The following UGGT1 variants were observed in gnomAD, a reference collection of about 807,000 sequenced individuals.
The protein encoded by UGGT1 is UDP-glucose glycoprotein glucosyltransferase 1.
Under a neutral mutation model 203.9 loss-of-function variants are expected in UGGT1, and 107 were observed. The observed-to-expected ratio is 0.52, with a 90% CI of 0.45 to 0.62. The LOEUF is 0.62. UGGT1 is among the 20% of genes least tolerant of loss of function. The pLI is 0.00. For missense variants in UGGT1, 1,673 were observed against 1,867.2 expected, an observed-to-expected ratio of 0.90 and a Z score of 1.92; for synonymous variants, 628 against 653.5, an observed-to-expected ratio of 0.96 and a Z score of 0.59.
At chr2:128,176,455 T>C (rs904797530) in intron 31 of UGGT1, among the ~76,000 whole-genome samples, 25 of 137,152 alleles carry the variant, frequency 1.8e-4, no homozygotes, top group African/African-American at 6.8e-4. Context: ...GTGGTTCCAA[T>C]AATGGTTCAG....
intron 8 of UGGT1, among the ~76,000 whole-genome samples, chr2:128,117,594 A>C (rs1430871738): frequency 7.3e-6 from 1 of 137,426 alleles, no homozygotes; most frequent in Non-Finnish European, 1.5e-5. Context: ...CCTAGGCTGG[A>C]GTGCAGTGCC....
In UGGT1 at chr2:128,151,952, T is replaced by G. The variant is rs190381041; in HGVS notation, c.2017-832T>G. Among the ~76,000 whole-genome samples, 5 of 152,356 alleles carry G rather than the reference T, an allele frequency of 3.3e-5. No individual in the cohort carries two copies. The East Asian group carries it at 7.7e-4, about 24-fold the overall frequency. ...TTTAAGTTTGATAAATCTGCACATT[T>G]GCACAGTTGTTGACACATGGCTCTG... On this transcript the variant is annotated intron_variant, in intron 18 of 40. Transcript: ENST00000259253.
intron 18 of UGGT1, among the ~76,000 whole-genome samples, chr2:128,151,708 C>T (rs1689981978): frequency 6.6e-6 from 1 of 151,976 alleles, no homozygotes; most frequent in South Asian, 2.1e-4. Flanking sequence ...CCCATCTCTA[C>T]AAAAATACAA....
At chr2:128,172,507 A>G in intron 28 of UGGT1, 66 bp from the exon 29 acceptor site, 1 of 1,529,120 alleles carries the variant, frequency 6.5e-7, no homozygotes, top group Non-Finnish European at 9.0e-7. Flanking sequence ...TACCTGTGTA[A>G]GGGCTGTGCA....
intron 15 of UGGT1, among the ~76,000 whole-genome samples, chr2:128,137,588 A>G (rs976278857): frequency 3.9e-5 from 6 of 152,202 alleles, no homozygotes; most frequent in South Asian, 2.1e-4. Context: ...GTTGTCTTTC[A>G]TGGATTGTGC....
In UGGT1 at chr2:128,159,565, A is replaced by G; in HGVS notation, c.2407A>G (p.Ile803Val). The stretch of plus-strand genomic sequence containing the variant: ...CATGATCAATAATCCTGCCAAAGAG[A>G]TAAGCTATGAGAACACTCAGATCTC... The part of the protein sequence containing the change: ...ISMINNPAKE[I>V]SYENTQISRA... The change falls in exon 23 of 41, where the codon ATA becomes GTA. Residue 803 changes from isoleucine (I) to valine (V), a missense_variant. Transcript: ENST00000259253. The G allele has an allele frequency of 6.2e-7, 1 of 1,614,182 alleles. No individual in the cohort carries two copies. Among genetic ancestry groups the G allele is most frequent in the Admixed American group, 1.7e-5 (1 of 60,014 alleles).
In UGGT1 at chr2:128,159,524, A is replaced by G. The variant is rs1239689112; in HGVS notation, c.2366A>G (p.Asn789Ser). Reference protein sequence around the residue: ...YDAIKHQKSSNNVRISMINNP... With the variant: ...YDAIKHQKSSSNVRISMINNP... ...CCATTTTGTGAACAGAAATCCAGTA[A>G]CAATGTTAGAATAAGCATGATCAAT... is the stretch of plus-strand genomic sequence containing the variant. Residue 789 changes from asparagine to serine, a missense_variant, in exon 23 of 41, where the codon AAC becomes AGC. Transcript: ENST00000259253. 4 of 1,613,972 alleles carry G rather than the reference A, an allele frequency of 2.5e-6. No homozygotes were observed. Among genetic ancestry groups the G allele is most frequent in the Non-Finnish European group, 2.5e-6 (3 of 1,179,956 alleles).
intron 15 of UGGT1, among the ~76,000 whole-genome samples, chr2:128,138,118 A>G (rs781403460): frequency 6.6e-6 from 1 of 152,172 alleles, no homozygotes; most frequent in African/African-American, 2.4e-5. Context: ...TCTTAAAACT[A>G]TAGCAACGCT....
At chr2:128,114,180 C>T (rs1167875790) in intron 6 of UGGT1, among the ~76,000 whole-genome samples, 3 of 152,076 alleles carry the variant, frequency 2.0e-5, no homozygotes, top group Non-Finnish European at 2.9e-5. Flanking sequence ...CACAGTGGCG[C>T]GATTTCAGCT....
intron 19 of UGGT1, 74 bp downstream of exon 19, chr2:128,152,978 T>C: frequency 6.3e-7 from 1 of 1,594,160 alleles, no homozygotes; most frequent in Non-Finnish European, 8.5e-7. Context: ...TTTCAGATTT[T>C]AATATTCTGA....
chr2:128,122,097 C>A (rs925134959), intron 10 of UGGT1, among the ~76,000 whole-genome samples: 1 of 152,156 alleles, frequency 6.6e-6, no homozygotes, highest in African/African-American at 2.4e-5. Flanking sequence ...CTTGGTGGCT[C>A]ATGCCTGTAA....
intron 13 of UGGT1, 125 bp downstream of exon 13, chr2:128,129,304 A>G (rs1688764178): frequency 5.1e-6 from 6 of 1,168,356 alleles, no homozygotes; most frequent in Non-Finnish European, 7.0e-6. Flanking sequence ...AAAGATTTAT[A>G]ATTGCTTATA....
intron 1 of UGGT1, among the ~76,000 whole-genome samples, chr2:128,094,823 A>C (rs1242615977): frequency 7.2e-6 from 1 of 138,980 alleles, no homozygotes; most frequent in East Asian, 2.1e-4. Flanking sequence ...ATCTCGACTT[A>C]CTGAAACCTC....
chr2:128,167,276 A>G (rs1055528240), intron 26 of UGGT1, among the ~76,000 whole-genome samples: 1 of 152,192 alleles, frequency 6.6e-6, no homozygotes, highest in Non-Finnish European at 1.5e-5. Context: ...CATGTTTTGT[A>G]TAATTAAAAT....
In UGGT1 at chr2:128,176,849, A is replaced by C; in HGVS notation, c.3575A>C (p.Glu1192Ala). 6.2e-7 allele frequency: 1 copy of C among 1,614,144 alleles called. No individual in the cohort carries two copies. Among genetic ancestry groups the C allele is most frequent in the Non-Finnish European group, 8.5e-7 (1 of 1,180,016 alleles). Residue 1192 changes from glutamate to alanine, a missense_variant, in exon 32 of 41, where the codon GAG (glutamate) becomes GCG (alanine). Transcript: ENST00000259253. Reference sequence around the variant, plus strand: ...ACTGATTCTCCCCCTGATGCTGATGAGGTGGTTATCGTCCTCAACAACTTC... The same window carrying C: ...ACTGATTCTCCCCCTGATGCTGATGCGGTGGTTATCGTCCTCAACAACTTC... ...DGTDSPPDADEVVIVLNNFKS... is the reference protein window; with the variant it reads ...DGTDSPPDADAVVIVLNNFKS...
chr2:128,187,830 G>A lies in UGGT1; in HGVS notation c.4642+216G>A, dbSNP rs1363788266. On this transcript the variant is annotated intron_variant, in intron 40 of 40. Transcript: ENST00000259253. ...ATTGCTATGTTTTTTTTTTTTTCTC[G>A]TTTTTCTGGTGAGGGGGAGAAAGGG... Among the ~76,000 whole-genome samples, 4 of 132,630 alleles carry A rather than the reference G, an allele frequency of 3.0e-5. 1 individual carries two copies. The highest frequency in any genetic ancestry group is 4.8e-5 in the Non-Finnish European group (3 of 62,534). The allele number at this position is 132,630 out of a possible 152,430, so 87.0% of individuals were successfully genotyped here.
At chr2:128,159,795 C>A in intron 23 of UGGT1, 75 bp downstream of exon 23, 1 of 1,427,848 alleles carries the variant, frequency 7.0e-7, no homozygotes, top group South Asian at 1.3e-5. Flanking sequence ...GCTTACGTGT[C>A]CGGTTCATGA....
intron 15 of UGGT1, among the ~76,000 whole-genome samples, chr2:128,136,417 G>T (rs1689131585): frequency 1.4e-5 from 2 of 143,276 alleles, no homozygotes; most frequent in African/African-American, 5.1e-5. Flanking sequence ...TCTTTTTACT[G>T]TCTTCATAGT....
At chr2:128,124,615 T>C (rs1389511857) in intron 11 of UGGT1, among the ~76,000 whole-genome samples, 1 of 152,034 alleles carries the variant, frequency 6.6e-6, no homozygotes, top group Non-Finnish European at 1.5e-5. Flanking sequence ...TATTTATTTA[T>C]TTTTTAAATG....
Sources: gnomAD v4.1 joint callset for allele counts (sites outside exome capture counted in the v4.1 genomes callset) on GRCh38, gnomAD v4.1.1 for gene constraint, MANE v1.5 for transcripts, NCBI Gene and HGNC (gene_info 2026-07-23, HGNC 2026-07-21) for gene names.